DTNB: variants seen among roughly 807,000 people sequenced by gnomAD.
The protein encoded by DTNB is DTN-B.
A neutral mutation model predicts 90.7 loss-of-function variants in DTNB; 63 were observed. That is an observed-to-expected ratio of 0.69 (90% CI 0.57 to 0.86). The LOEUF (loss-of-function observed/expected upper bound fraction) is 0.86. Ranked by LOEUF, DTNB falls within the 40% of genes least tolerant of loss-of-function variation. DTNB has a pLI of 0.00. For synonymous variants in DTNB, 277 were observed against 286.7 expected (o/e 0.97, Z 0.34); for missense variants, 744 against 807.1 (o/e 0.92, Z 0.95).
intron 19 of DTNB, 140 bp from the exon 20 acceptor site, chr2:25,379,463 C>A (rs745417523): frequency 4.9e-5 from 55 of 1,116,982 alleles, no homozygotes; most frequent in Non-Finnish European, 6.2e-5. Flanking sequence ...GTTGACTTTT[C>A]CCACCCAGGT....
intron 9 of DTNB, among the ~76,000 whole-genome samples, chr2:25,519,938 G>A (rs1471548223): frequency 6.6e-6 from 1 of 152,084 alleles, no homozygotes; most frequent in Non-Finnish European, 1.5e-5. Flanking sequence ...AAAGAAGAAA[G>A]CCCAACTCAC....
At chr2:25,484,448 G>A (rs1017226116) in intron 9 of DTNB, among the ~76,000 whole-genome samples, 2 of 152,080 alleles carry the variant, frequency 1.3e-5, no homozygotes, top group Non-Finnish European at 2.9e-5. Context: ...TGTTTTGCAG[G>A]TTTCATAGTA....
At chr2:25,535,378 C>A (rs1315198865) in intron 8 of DTNB, among the ~76,000 whole-genome samples, 1 of 128,616 alleles carries the variant, frequency 7.8e-6, no homozygotes, top group Non-Finnish European at 1.6e-5. Context: ...TCCTCCCAGA[C>A]GGGGAGGCCG....
chr2:25,518,188 T>C (rs1003503725), intron 9 of DTNB, among the ~76,000 whole-genome samples: 3 of 142,784 alleles, frequency 2.1e-5, no homozygotes, highest in Admixed American at 6.9e-5. Flanking sequence ...ATTAAGATAG[T>C]TAATTTTATA....
chr2:25,434,397 G>GTGT (rs1172619901), intron 12 of DTNB, among the ~76,000 whole-genome samples: 1 of 101,368 alleles, frequency 9.9e-6, no homozygotes, highest in African/African-American at 4.7e-5. Flanking sequence ...CCATGAACTA[G>GTGT]TCTTTTTTTT....
intron 6 of DTNB, among the ~76,000 whole-genome samples, chr2:25,591,551 A>G (rs1228994382): frequency 6.6e-6 from 1 of 152,208 alleles, no homozygotes; most frequent in East Asian, 1.9e-4. Context: ...TACATTTACT[A>G]CTTATTTTAA....
At chr2:25,645,382 A>G (rs900226420) in intron 2 of DTNB, among the ~76,000 whole-genome samples, 2 of 152,092 alleles carry the variant, frequency 1.3e-5, no homozygotes, top group Non-Finnish European at 2.9e-5. Context: ...AAAAAAAAAG[A>G]AAGTAATAAC....
At chr2:25,598,425 T>C (rs2065100706) in intron 5 of DTNB, among the ~76,000 whole-genome samples, 1 of 152,178 alleles carries the variant, frequency 6.6e-6, no homozygotes, top group African/African-American at 2.4e-5. Flanking sequence ...TCAACTTTGT[T>C]TACGATACTG....
chr2:25,584,702 G>A (rs146921197), intron 6 of DTNB, among the ~76,000 whole-genome samples: 48 of 152,098 alleles, frequency 3.2e-4, no homozygotes, highest in African/African-American at 1.1e-3. Context: ...GACTACAGGC[G>A]TGTGCCACCA....
intron 16 of DTNB, among the ~76,000 whole-genome samples, chr2:25,393,009 C>G (rs769581941): frequency 3.9e-5 from 6 of 152,142 alleles, no homozygotes; most frequent in Non-Finnish European, 5.9e-5. Flanking sequence ...GAACCAAATC[C>G]AACAGCATAT....
intron 6 of DTNB, among the ~76,000 whole-genome samples, chr2:25,587,519 T>C (rs1486502337): frequency 6.6e-6 from 1 of 152,158 alleles, no homozygotes; most frequent in Non-Finnish European, 1.5e-5. Context: ...AAGAATGACC[T>C]GGACCGACAG....
chr2:25,527,007 C>T lies in DTNB; in HGVS notation c.1001+4466G>A, dbSNP rs1369219042. On this transcript the variant is annotated intron_variant, in intron 9 of 20. Coordinates refer to ENST00000406818, the MANE Select transcript of DTNB (RefSeq NM_021907.5). Reference sequence around the variant, plus strand: ...AATAACAAAAAGGCAACTAGAAAACCTCTATATGTTTGGAAATTAAGAAAG... The same window carrying T: ...AATAACAAAAAGGCAACTAGAAAACTTCTATATGTTTGGAAATTAAGAAAG... 2.0e-5 allele frequency among the ~76,000 whole-genome samples: 3 copies of T among 152,030 alleles called. No individual in the cohort carries two copies. The East Asian group carries it at 5.8e-4, about 29-fold the overall frequency.
intron 1 of DTNB, among the ~76,000 whole-genome samples, chr2:25,662,681 A>ACACACACACAAAC (rs35419647): frequency 5.1e-4 from 53 of 104,522 alleles, no homozygotes; most frequent in South Asian, 1.3e-3. Context: ...CACACACACA[A>ACACACACACAAAC]ACACACACAC....
chr2:25,646,578 G>T (rs921855767), intron 2 of DTNB, among the ~76,000 whole-genome samples: 1 of 152,054 alleles, frequency 6.6e-6, no homozygotes, highest in Non-Finnish European at 1.5e-5. Flanking sequence ...ACCTCTTATT[G>T]CAACCCAGAC....
intron 4 of DTNB, among the ~76,000 whole-genome samples, chr2:25,613,974 T>G (rs2069447580): frequency 6.6e-6 from 1 of 151,888 alleles, no homozygotes; most frequent in Non-Finnish European, 1.5e-5. Flanking sequence ...AATAAATAAA[T>G]AAGGACAAAA....
In DTNB at chr2:25,429,346, C is replaced by T. The variant is rs778253029; in HGVS notation, c.1458-1715G>A. On this transcript the variant is annotated intron_variant, in intron 14 of 20. Coordinates refer to ENST00000406818, the MANE Select transcript of DTNB (RefSeq NM_021907.5). ...TGGCCTGCATTTCTATCGGCGAGTGCGGCTCTAGATCCCATCTACATTCCT... is the reference window on the plus strand; with the variant it reads ...TGGCCTGCATTTCTATCGGCGAGTGTGGCTCTAGATCCCATCTACATTCCT... Among the ~76,000 whole-genome samples the T allele has an allele frequency of 3.9e-5, 6 of 152,092 alleles. No individual in the cohort carries two copies. In the South Asian group the frequency reaches 1.2e-3, roughly 32 times the overall value.
intron 10 of DTNB, among the ~76,000 whole-genome samples, chr2:25,469,596 C>A (rs191985605): frequency 1.3e-5 from 2 of 152,254 alleles, no homozygotes; most frequent in East Asian, 1.9e-4. Flanking sequence ...TAGGCACTTA[C>A]CACCACGCCC....
chr2:25,432,239 AC>A (rs1481044342), intron 14 of DTNB, among the ~76,000 whole-genome samples: 1 of 146,452 alleles, frequency 6.8e-6, no homozygotes, highest in Non-Finnish European at 1.5e-5. Context: ...ACACACACAC[AC>A]ACACCCCTTT....
chr2:25,559,037 C>T (rs968694798), intron 8 of DTNB, among the ~76,000 whole-genome samples: 2 of 152,170 alleles, frequency 1.3e-5, no homozygotes, highest in African/African-American at 2.4e-5. Flanking sequence ...GCAACCAACA[C>T]CCTCTCAACT....
Sources: gnomAD v4.1 joint callset for allele counts (sites outside exome capture counted in the v4.1 genomes callset) on GRCh38, gnomAD v4.1.1 for gene constraint, MANE v1.5 for transcripts, NCBI Gene and HGNC (gene_info 2026-07-23, HGNC 2026-07-21) for gene names.